The following PKHD1L1 variants were observed in gnomAD, a reference collection of about 807,000 sequenced individuals.
PKHD1L1 encodes the protein PKHD1 like 1.
In PKHD1L1, 434 loss-of-function variants were observed where a neutral mutation model predicts 462.9. That is an observed-to-expected ratio of 0.94 (90% CI 0.87 to 1.02). The LOEUF (loss-of-function observed/expected upper bound fraction) is 1.02. Ranked by LOEUF, PKHD1L1 falls within the 50% of genes least tolerant of loss-of-function variation. The pLI is 0.00. For missense variants in PKHD1L1, 5,202 were observed against 5,096.1 expected (o/e 1.02, Z -0.63); for synonymous variants, 1,781 against 1,750.0 (o/e 1.02, Z -0.44).
intron 28 of PKHD1L1, among the ~76,000 whole-genome samples, chr8:109,434,000 A>C (rs1310308141): frequency 1.3e-5 from 2 of 152,140 alleles, no homozygotes. Flanking sequence ...TTCTCAGTAA[A>C]CTAACACAAG....
At chr8:109,377,624 T>G (rs986184782) in intron 2 of PKHD1L1, among the ~76,000 whole-genome samples, 1 of 152,188 alleles carries the variant, frequency 6.6e-6, no homozygotes, top group African/African-American at 2.4e-5. Context: ...TTTTAGATAT[T>G]GAAGTAATCT....
Position 109,420,558 on chromosome 8 carries a change from A to G in PKHD1L1, c.2565A>G (p.Gly855=). The change falls in exon 23 of 78, where the codon GGA becomes GGG. Residue 855 remains glycine (G), a synonymous_variant. Transcript: ENST00000378402. ...KRRLPALANK[G]IFLEHFQVNQ... ...GACTTCCTGCATTAGCAAATAAAGG[A>G]ATATTCTTAGAGCACTTTCAGGTGA... 6.2e-7 allele frequency: 1 copy of G among 1,606,004 alleles called. No individual in the cohort carries two copies. Among genetic ancestry groups the G allele is most frequent in the Non-Finnish European group, 8.5e-7 (1 of 1,177,078 alleles).
chr8:109,427,700 G>T (rs1021220091), intron 25 of PKHD1L1, among the ~76,000 whole-genome samples: 7 of 152,014 alleles, frequency 4.6e-5, no homozygotes, highest in African/African-American at 1.7e-4. Flanking sequence ...AAGGAGAGGA[G>T]TCTAGGGACT....
At chr8:109,371,819 T>C (rs1352681638) in intron 2 of PKHD1L1, among the ~76,000 whole-genome samples, 2 of 152,190 alleles carry the variant, frequency 1.3e-5, no homozygotes, top group Non-Finnish European at 2.9e-5. Context: ...GTTGTAGATA[T>C]GCGGCATTAT....
intron 23 of PKHD1L1, among the ~76,000 whole-genome samples, chr8:109,423,952 G>T (rs536896072): frequency 6.6e-6 from 1 of 152,090 alleles, no homozygotes; most frequent in African/African-American, 2.4e-5. Context: ...CCACATGCTC[G>T]TTATTTGTAT....
At chr8:109,435,042 C>T (rs1815325506) in intron 28 of PKHD1L1, 148 bp from the exon 29 acceptor site, 1 of 746,186 alleles carries the variant, frequency 1.3e-6, no homozygotes, top group Non-Finnish European at 2.1e-6. Context: ...CTAAGATTCC[C>T]CCACACATTA....
At chr8:109,390,547 A>C in intron 9 of PKHD1L1, 53 bp downstream of exon 9, 1 of 1,040,698 alleles carries the variant, frequency 9.6e-7, no homozygotes, top group South Asian at 1.9e-5. Flanking sequence ...AGGGTAAATA[A>C]GATAAAATGT....
intron 3 of PKHD1L1, 139 bp from the exon 4 acceptor site, chr8:109,382,324 A>G (rs1812165413): frequency 1.7e-6 from 1 of 572,068 alleles, no homozygotes; most frequent in Non-Finnish European, 2.9e-6. Context: ...ATAGAATGGA[A>G]CTTAACTAGA....
intron 72 of PKHD1L1, among the ~76,000 whole-genome samples, chr8:109,517,250 A>G (rs1252108224): frequency 6.6e-6 from 1 of 152,124 alleles, no homozygotes; most frequent in African/African-American, 2.4e-5. Context: ...GGCACTTGGC[A>G]TGCAAAATAA....
intron 8 of PKHD1L1, among the ~76,000 whole-genome samples, chr8:109,390,064 TAGA>T (rs1030863072): frequency 6.6e-5 from 10 of 152,316 alleles, no homozygotes; most frequent in African/African-American, 2.4e-4. Flanking sequence ...TGTTCTGTTA[TAGA>T]AGAAGGACAA....
At chr8:109,366,937 C>T (rs1443628517) in intron 2 of PKHD1L1, among the ~76,000 whole-genome samples, 1 of 152,036 alleles carries the variant, frequency 6.6e-6, no homozygotes, top group Non-Finnish European at 1.5e-5. Context: ...CGTGATCTGC[C>T]CACCTCAGCC....
rs569725810 is a variant in PKHD1L1, at chr8:109,402,453, T to C, written c.1373+865T>C. ...GGTTGAGTCTTAGATATTTGGGGCA[T>C]CCCATTGCACATGGTCTCTCATCAT... is the stretch of plus-strand genomic sequence containing the variant. On this transcript the variant is annotated intron_variant, in intron 14 of 77. Coordinates refer to ENST00000378402, the MANE Select transcript of PKHD1L1 (RefSeq NM_177531.6). Among the ~76,000 whole-genome samples the C allele has an allele frequency of 1.1e-3, 164 of 152,230 alleles. 1 individual carries two copies. Among genetic ancestry groups the C allele is most frequent in the African/African-American group, 3.8e-3 (159 of 41,564 alleles).
intron 8 of PKHD1L1, among the ~76,000 whole-genome samples, chr8:109,389,499 A>AGTGTGTGTGT (rs55680302): frequency 5.7e-5 from 8 of 140,768 alleles, no homozygotes; most frequent in East Asian, 4.3e-4. Flanking sequence ...ATCTTTTAAG[A>AGTGTGTGTGT]GTGTGTGTGT....
At chr8:109,366,560 T>C (rs779782815) in intron 2 of PKHD1L1, among the ~76,000 whole-genome samples, 70 of 152,204 alleles carry the variant, frequency 4.6e-4, no homozygotes, top group Admixed American at 2.0e-4. Context: ...CAAGACTGCA[T>C]TGTATACCTA....
chr8:109,449,898 T>G (rs1816386656), intron 40 of PKHD1L1, among the ~76,000 whole-genome samples: 1 of 152,204 alleles, frequency 6.6e-6, no homozygotes, highest in Non-Finnish European at 1.5e-5. Flanking sequence ...ATTTAACCTC[T>G]CTATGCCTCA....
intron 72 of PKHD1L1, among the ~76,000 whole-genome samples, chr8:109,517,675 A>G (rs1029435384): frequency 2.0e-5 from 3 of 151,830 alleles, no homozygotes; most frequent in Non-Finnish European, 4.4e-5. Flanking sequence ...TTTAATGTAT[A>G]CTTCATTTTT....
Position 109,477,356 on chromosome 8 carries a change from T to A in PKHD1L1, c.9049T>A (p.Ser3017Thr). 6.2e-7 allele frequency: 1 copy of A among 1,613,310 alleles called. No homozygotes were observed. ...LQDCFPVHPP[S>T]RKPIPKKRPA... ...GGATTGCTTTCCTGTACATCCGCCA[T>A]CAAGAAAACCAATTCCCAAGAAGCG... is the stretch of plus-strand genomic sequence containing the variant. Residue 3017 changes from serine (S) to threonine (T), a missense_variant, in exon 53 of 78, where the codon TCA (serine) becomes ACA (threonine). Physicochemically the swap from Ser to Thr is moderately conservative, Grantham distance 58. Around this residue, in one of 3 missense-constraint regions of PKHD1L1, gnomAD observed 4,497 missense variants for 4,336.8 expected, o/e 1.04. Coordinates refer to ENST00000378402, the MANE Select transcript of PKHD1L1 (RefSeq NM_177531.6).
At chr8:109,465,329 A>C in intron 49 of PKHD1L1, 84 bp downstream of exon 49, 2 of 1,421,440 alleles carry the variant, frequency 1.4e-6, no homozygotes, top group Non-Finnish European at 1.9e-6. Context: ...AAGCAGACTT[A>C]GGTGCCTTAC....
chr8:109,507,415 A>T (rs960843253), intron 68 of PKHD1L1, among the ~76,000 whole-genome samples: 3 of 152,150 alleles, frequency 2.0e-5, no homozygotes, highest in Non-Finnish European at 4.4e-5. Flanking sequence ...TTCTGATTTT[A>T]TATCCCACAG....
Sources: gnomAD v4.1 joint callset for allele counts (sites outside exome capture counted in the v4.1 genomes callset) on GRCh38, gnomAD v4.1.1 for gene constraint, gnomAD v4.1.1 regional missense constraint, MANE v1.5 for transcripts, NCBI Gene and HGNC (gene_info 2026-07-23, HGNC 2026-07-21) for gene names.